The following PTBP3 variants were observed in gnomAD, a reference collection of about 807,000 sequenced individuals.
PTBP3 encodes the protein polypyrimidine tract binding protein 3.
A neutral mutation model predicts 58.7 loss-of-function variants in PTBP3; 20 were observed. The observed-to-expected ratio is 0.34, with a 90% CI of 0.24 to 0.50. The LOEUF is 0.50. Among genes scored for constraint, PTBP3 ranks in the 20% least tolerant of loss-of-function variants. PTBP3 has a pLI of 0.98. For synonymous variants in PTBP3, 185 were observed against 219.8 expected (o/e 0.84, Z 1.40); for missense variants, 509 against 637.2 (o/e 0.80, Z 2.17).
At chr9:112,309,787 C>CA (rs34895970) in intron 1 of PTBP3, among the ~76,000 whole-genome samples, 1,304 of 106,294 alleles carry the variant, frequency 0.012, 6 homozygotes, top group South Asian at 0.021. Context: ...GACTCCGTCT[C>CA]AAAAAAAAAA....
Position 112,326,435 on chromosome 9 carries a change from A to G in PTBP3, c.-52+7035T>C, listed in dbSNP as rs374645782. 7.2e-5 allele frequency among the ~76,000 whole-genome samples: 11 copies of G among 152,348 alleles called. No homozygotes were observed. The South Asian group carries it at 2.3e-3, about 32-fold the overall frequency. ...CAGCTGTGTTTCAGTAAAACTACAAAAACAGGTGGCAAGCCAAATGTGGCC... is the reference window on the plus strand; with the variant it reads ...CAGCTGTGTTTCAGTAAAACTACAAGAACAGGTGGCAAGCCAAATGTGGCC... On this transcript the variant is annotated intron_variant, in intron 1 of 13. Coordinates refer to ENST00000374257, the MANE Select transcript of PTBP3 (RefSeq NM_001163788.4).
At chr9:112,256,254 CA>C (rs371551973) in intron 5 of PTBP3, among the ~76,000 whole-genome samples, 221 of 101,710 alleles carry the variant, frequency 2.2e-3, no homozygotes, top group African/African-American at 6.8e-3. Context: ...AACTCCGTCT[CA>C]AAAAAAAAAA....
At chr9:112,261,125 A>G (rs1237322718) in intron 5 of PTBP3, among the ~76,000 whole-genome samples, 1 of 152,206 alleles carries the variant, frequency 6.6e-6, no homozygotes, top group Non-Finnish European at 1.5e-5. Flanking sequence ...TCCGGGATAA[A>G]CAGAAGAGAA....
At chr9:112,378,866 G>C in the PTBP3 span, among the ~76,000 whole-genome samples, 1 of 152,300 alleles carries the variant, frequency 6.6e-6, no homozygotes, top group East Asian at 1.9e-4. Context: ...TATGCAGGAG[G>C]AAATAGAGTC....
chr9:112,227,681 T>A, intron 11 of PTBP3, 54 bp from the exon 12 acceptor site: 1 of 1,277,690 alleles, frequency 7.8e-7, no homozygotes, highest in Non-Finnish European at 1.1e-6. Flanking sequence ...GATTTCTCAG[T>A]AGTATCTGAC....
the PTBP3 span, among the ~76,000 whole-genome samples, chr9:112,348,005 C>T: frequency 1.3e-5 from 2 of 152,202 alleles, no homozygotes; most frequent in East Asian, 1.9e-4. Flanking sequence ...GTTCCAAGAC[C>T]TCATGCCTCA....
chr9:112,248,490 C>T (rs1474371906), intron 7 of PTBP3, among the ~76,000 whole-genome samples: 2 of 151,728 alleles, frequency 1.3e-5, no homozygotes, highest in African/African-American at 2.4e-5. Flanking sequence ...AGAACTTATT[C>T]GTGTAATAAA....
chr9:112,348,591 G>T, the PTBP3 span, among the ~76,000 whole-genome samples: 4 of 152,216 alleles, frequency 2.6e-5, no homozygotes, highest in African/African-American at 9.6e-5. Context: ...TCGGGAGAGC[G>T]GAGGCAACCG....
the PTBP3 span, among the ~76,000 whole-genome samples, chr9:112,343,923 AT>A: frequency 6.6e-6 from 1 of 151,694 alleles, no homozygotes; most frequent in Non-Finnish European, 1.5e-5. Flanking sequence ...CTGTTCATAT[AT>A]TTTACCCATT....
intron 2 of PTBP3, among the ~76,000 whole-genome samples, chr9:112,287,431 C>G (rs973098973): frequency 6.6e-6 from 1 of 150,832 alleles, no homozygotes; most frequent in African/African-American, 2.4e-5. Flanking sequence ...CCTCCGCCCC[C>G]GGGGGTTCAA....
intron 5 of PTBP3, among the ~76,000 whole-genome samples, chr9:112,255,569 A>C (rs1037655578): frequency 6.6e-6 from 1 of 152,178 alleles, no homozygotes; most frequent in Non-Finnish European, 1.5e-5. Context: ...CTAAATTATA[A>C]GGCAGATTAT....
At chr9:112,236,428 A>T (rs1165347460) in intron 7 of PTBP3, among the ~76,000 whole-genome samples, 1 of 152,170 alleles carries the variant, frequency 6.6e-6, no homozygotes, top group Non-Finnish European at 1.5e-5. Flanking sequence ...CAAGCTCAAG[A>T]TCATAGGTAA....
intron 2 of PTBP3, among the ~76,000 whole-genome samples, chr9:112,289,784 TG>T (rs1224918606): frequency 6.6e-6 from 1 of 152,200 alleles, no homozygotes; most frequent in Non-Finnish European, 1.5e-5. Context: ...TTATTTTGTG[TG>T]TGTGTATATA....
the PTBP3 span, among the ~76,000 whole-genome samples, chr9:112,356,839 A>AT: frequency 7.5e-6 from 1 of 134,130 alleles, no homozygotes; most frequent in African/African-American, 2.8e-5. Context: ...GGCCCCAACC[A>AT]TTTCATTTCA....
chr9:112,324,415 G>A (rs1830073071), intron 1 of PTBP3, among the ~76,000 whole-genome samples: 1 of 152,208 alleles, frequency 6.6e-6, no homozygotes, highest in African/African-American at 2.4e-5. Flanking sequence ...CACTTTGGGA[G>A]CCCGAGTCTG....
At chr9:112,340,846 C>A in the PTBP3 span, among the ~76,000 whole-genome samples, 746 of 149,628 alleles carry the variant, frequency 5.0e-3, 13 homozygotes, top group African/African-American at 0.018. Context: ...ATTGCACTCC[C>A]GCTTGGGCAA....
chr9:112,339,142 T>C, the PTBP3 span, among the ~76,000 whole-genome samples: 1 of 151,956 alleles, frequency 6.6e-6, no homozygotes, highest in African/African-American at 2.4e-5. Context: ...ATATAAAAAA[T>C]TAGCCAGGCG....
the PTBP3 span, among the ~76,000 whole-genome samples, chr9:112,356,794 G>GCA: frequency 7.3e-5 from 10 of 137,262 alleles, no homozygotes; most frequent in East Asian, 7.4e-4. Flanking sequence ...AATTGCGTGT[G>GCA]CGCACACACA....
chr9:112,220,279 C>T lies in PTBP3; in HGVS notation c.*3572G>A, dbSNP rs1333366763. On this transcript the variant is annotated 3_prime_UTR_variant, in exon 14 of 14. Transcript: ENST00000374257. Reference sequence around the variant, plus strand: ...GATGGCACGGAGACACTGAAAAGAACAGAGAGCCAGGCGTGGTGGCTCATG... The same window carrying T: ...GATGGCACGGAGACACTGAAAAGAATAGAGAGCCAGGCGTGGTGGCTCATG... 3.0e-6 allele frequency: 4 copies of T among 1,329,080 alleles called. No individual in the cohort carries two copies. Among genetic ancestry groups the T allele is most frequent in the Non-Finnish European group, 3.0e-6 (3 of 1,010,630 alleles). The allele number at this position is 1,329,080 out of a possible 1,614,324, so 82.3% of individuals were successfully genotyped here. A position where few individuals can be genotyped will look rare whatever the true frequency, so the allele number is the denominator to read the frequency against.
Sources: gnomAD v4.1 joint callset for allele counts (sites outside exome capture counted in the v4.1 genomes callset) on GRCh38, gnomAD v4.1.1 for gene constraint, MANE v1.5 for transcripts, NCBI Gene and HGNC (gene_info 2026-07-23, HGNC 2026-07-21) for gene names.